Variants in ITGA2 observed in about 807,000 individuals in gnomAD.
The protein encoded by ITGA2 is integrin alpha-2.
ITGA2 carries 101 observed loss-of-function variants against 146.3 expected under a neutral mutation model. The ratio of observed to expected loss-of-function variants is 0.69; its 90% CI spans 0.59 to 0.81. ITGA2 has a LOEUF of 0.81. Among genes scored for constraint, ITGA2 ranks in the 40% least tolerant of loss-of-function variants. The pLI, the probability that ITGA2 is intolerant of heterozygous loss-of-function variation, is 0.00. For missense variants in ITGA2, 1,281 were observed against 1,402.7 expected (o/e 0.91, Z 1.39); for synonymous variants, 477 against 487.1 (o/e 0.98, Z 0.27).
At position 53,048,737 on chromosome 5, in the gene ITGA2, A is replaced by G. The variant is rs1579851052; in HGVS notation, c.597A>G (p.Val199=). 8 of 1,614,040 alleles carry G rather than the reference A, an allele frequency of 5.0e-6. No homozygotes were observed. Among genetic ancestry groups the G allele is most frequent in the African/African-American group, 4.0e-5 (3 of 75,042 alleles). ...DAVKNFLEKF[V]QGLDIGPTKT... is the part of the protein sequence containing the mutation. ...TAAAGAATTTTTTGGAAAAATTTGT[A>G]CAAGGCCTGGATATAGGCCCCACAA... Residue 199 remains valine (V), a synonymous_variant, in exon 6 of 30, where the codon GTA becomes GTG. Transcript: ENST00000296585.
chr5:53,004,783 T>C (rs114140552), intron 1 of ITGA2, among the ~76,000 whole-genome samples: 1,641 of 152,286 alleles, frequency 0.011, 12 homozygotes, highest in Non-Finnish European at 0.016. Context: ...GTTTTTGCTC[T>C]AATGTTTTGT....
chr5:53,060,574 C>T (rs1432083718), intron 11 of ITGA2, among the ~76,000 whole-genome samples: 2 of 151,908 alleles, frequency 1.3e-5, no homozygotes, highest in East Asian at 3.9e-4. Context: ...TACTGTGCAA[C>T]ACTACCTTTT....
intron 1 of ITGA2, among the ~76,000 whole-genome samples, chr5:53,025,737 T>C (rs1561099953): frequency 6.6e-6 from 1 of 152,240 alleles, no homozygotes; most frequent in Non-Finnish European, 1.5e-5. Context: ...GGAACTTTGA[T>C]GTCAATTTTA....
chr5:53,084,019 C>T (rs150171085), intron 27 of ITGA2, among the ~76,000 whole-genome samples: 262 of 152,296 alleles, frequency 1.7e-3, no homozygotes, highest in Admixed American at 5.6e-3. Context: ...TAAATCATCT[C>T]AATCCCCATG....
At chr5:53,021,928 G>A (rs773941680) in intron 1 of ITGA2, among the ~76,000 whole-genome samples, 16 of 152,030 alleles carry the variant, frequency 1.1e-4, no homozygotes, top group Admixed American at 6.6e-5. Context: ...CCCTGGGCAC[G>A]TTTTGCAAAT....
At chr5:53,075,001 T>G in intron 21 of ITGA2, 60 bp from the exon 22 acceptor site, 1 of 1,109,136 alleles carries the variant, frequency 9.0e-7, no homozygotes, top group South Asian at 1.3e-5. Flanking sequence ...CATTTTTTTT[T>G]TCACGTTGGC....
At chr5:53,037,524 C>T (rs1743548596) in intron 2 of ITGA2, among the ~76,000 whole-genome samples, 1 of 152,212 alleles carries the variant, frequency 6.6e-6, no homozygotes, top group Admixed American at 6.5e-5. Flanking sequence ...AACAGCCTCC[C>T]TCATCTTCCT....
chr5:53,072,379 C>T (rs919644528), intron 18 of ITGA2, among the ~76,000 whole-genome samples: 2 of 151,616 alleles, frequency 1.3e-5, no homozygotes, highest in African/African-American at 2.4e-5. Flanking sequence ...TGAAGCTCTG[C>T]GTATAGCTGT....
chr5:53,051,129 TG>T (rs1346397672), intron 6 of ITGA2, among the ~76,000 whole-genome samples: 1 of 152,188 alleles, frequency 6.6e-6, no homozygotes, highest in Non-Finnish European at 1.5e-5. Context: ...AAATATTATA[TG>T]GCAGTATTAA....
Position 53,092,115 on chromosome 5 carries a change from T to C in ITGA2, c.*1516T>C, listed in dbSNP as rs1433993316. 1 of 152,242 alleles carries C rather than the reference T, an allele frequency of 6.6e-6. No individual in the cohort carries two copies. The highest frequency in any genetic ancestry group is 1.5e-5 in the Non-Finnish European group (1 of 68,074). 9.4% of individuals were successfully genotyped at this position (152,242 alleles called of 1,614,324 possible). On this transcript the variant is annotated 3_prime_UTR_variant, in exon 30 of 30. Transcript: ENST00000296585. ...TGAGAAACACCACCCATTTCTACTT[T>C]TTGCACCTTATTTTCTCTGTTCCTG...
At chr5:53,058,842 T>A (rs1336143166) in intron 10 of ITGA2, among the ~76,000 whole-genome samples, 1 of 151,926 alleles carries the variant, frequency 6.6e-6, no homozygotes, top group Non-Finnish European at 1.5e-5. Flanking sequence ...TCATAGAAGT[T>A]ATGGATCTTT....
chr5:53,051,664 G>C (rs1744372078), intron 7 of ITGA2, 105 bp downstream of exon 7: 2 of 1,148,614 alleles, frequency 1.7e-6, no homozygotes, highest in South Asian at 2.7e-5. Flanking sequence ...TAATATACCT[G>C]GTACCTAATT....
At chr5:53,030,320 C>T (rs1422180718) in intron 2 of ITGA2, among the ~76,000 whole-genome samples, 1 of 152,244 alleles carries the variant, frequency 6.6e-6, no homozygotes, top group Admixed American at 6.5e-5. Context: ...CTTCTCATGA[C>T]ATCCCTGAAT....
intron 1 of ITGA2, among the ~76,000 whole-genome samples, chr5:52,990,518 C>T (rs1740889080): frequency 6.7e-6 from 1 of 149,692 alleles, no homozygotes; most frequent in Non-Finnish European, 1.5e-5. Context: ...GTTTGAACAG[C>T]GATCAAAACA....
chr5:53,048,670 T>A lies in ITGA2; in HGVS notation c.530T>A (p.Val177Asp). The A allele has an allele frequency of 6.2e-7, 1 of 1,614,108 alleles. No individual in the cohort carries two copies. The highest frequency in any genetic ancestry group is 8.5e-7 in the Non-Finnish European group (1 of 1,179,992). ...TGCCCTTCCCTCATAGATGTTGTGG[T>A]TGTGTGTGATGAATCAAATAGTATT... ...QPCPSLIDVV[V>D]VCDESNSIYP... is the part of the protein sequence containing the mutation. The change falls in exon 6 of 30, where the codon GTT becomes GAT. Residue 177 changes from valine to aspartate, a missense_variant. Around this residue, in one of 3 missense-constraint regions of ITGA2, gnomAD observed 795 missense variants for 841.7 expected, o/e 0.94. Transcript: ENST00000296585.
At chr5:53,062,710 C>T in intron 12 of ITGA2, 76 bp from the exon 13 acceptor site, 1 of 1,472,540 alleles carries the variant, frequency 6.8e-7, no homozygotes, top group Non-Finnish European at 9.5e-7. Context: ...ATTGAATGAG[C>T]AAGTAAATGT....
At chr5:53,011,735 G>GT (rs371899076) in intron 1 of ITGA2, among the ~76,000 whole-genome samples, 48 of 143,806 alleles carry the variant, frequency 3.3e-4, no homozygotes, top group African/African-American at 1.2e-3. Context: ...GAATATGTGA[G>GT]TGGGGGGGAG....
chr5:53,063,205 T>C lies in ITGA2; in HGVS notation c.1602+276T>C, dbSNP rs137941943. Among the ~76,000 whole-genome samples, 969 of 151,996 alleles carry C rather than the reference T, an allele frequency of 6.4e-3. 8 individuals carry two copies. Among genetic ancestry groups the C allele is most frequent in the African/African-American group, 0.021 (862 of 41,532 alleles). Reference sequence around the variant, plus strand: ...CAAATAAAGCCATTATAAGTGCACATCGTTTATTGAAATATGCACACACAC... The same window carrying C: ...CAAATAAAGCCATTATAAGTGCACACCGTTTATTGAAATATGCACACACAC... On this transcript the variant is annotated intron_variant, in intron 13 of 29. Transcript: ENST00000296585.
intron 12 of ITGA2, 152 bp downstream of exon 12, chr5:53,061,198 A>T: frequency 2.5e-6 from 2 of 785,248 alleles, no homozygotes; most frequent in Non-Finnish European, 2.2e-6. Context: ...TCCTTAAATC[A>T]TCACAACAAT....
Sources: allele counts gnomAD v4.1 joint callset (sites outside exome capture counted in the v4.1 genomes callset), GRCh38; gene constraint gnomAD v4.1.1; regional missense constraint gnomAD v4.1.1; transcripts MANE v1.5; gene names NCBI Gene and HGNC (gene_info 2026-07-23, HGNC 2026-07-21).